The following PXDC1 variants were observed in gnomAD, a reference collection of about 807,000 sequenced individuals.
PXDC1 encodes the protein PX domain containing 1.
A neutral mutation model predicts 24.4 loss-of-function variants in PXDC1; 13 were observed. The ratio of observed to expected loss-of-function variants is 0.53; its 90% CI spans 0.35 to 0.85. PXDC1 has a LOEUF of 0.85. Ranked by LOEUF, PXDC1 falls within the 40% of genes least tolerant of loss-of-function variation. PXDC1 has a pLI of 0.01. For synonymous variants in PXDC1, 162 were observed against 124.9 expected (o/e 1.30, Z -1.98); for missense variants, 344 against 309.3 (o/e 1.11, Z -0.84).
chr6:3,742,566 G>T (rs1760472236), intron 1 of PXDC1, among the ~76,000 whole-genome samples: 1 of 152,170 alleles, frequency 6.6e-6, no homozygotes, highest in Non-Finnish European at 1.5e-5. Flanking sequence ...CTGACCAGCA[G>T]GGGGCGCGCG....
rs140187172 is a variant in PXDC1 at position 3,734,126 on chromosome 6, T to C, written c.466+2953A>G. Among the ~76,000 whole-genome samples, 807 of 152,320 alleles carry C rather than the reference T, an allele frequency of 5.3e-3. 11 individuals carry two copies. Among genetic ancestry groups the C allele is most frequent in the African/African-American group, 0.018 (765 of 41,560 alleles). On this transcript the variant is annotated intron_variant, in intron 3 of 4. Transcript: ENST00000380283. ...AAAGGCAAAGAAAACATACTTTCAATGGCAACATGAGACTCTACGTTTCTC... is the reference window on the plus strand; with the variant it reads ...AAAGGCAAAGAAAACATACTTTCAACGGCAACATGAGACTCTACGTTTCTC...
chr6:3,744,203 C>T (rs950144935), intron 1 of PXDC1, among the ~76,000 whole-genome samples: 1 of 152,220 alleles, frequency 6.6e-6, no homozygotes, highest in Non-Finnish European at 1.5e-5. Context: ...TTAGCCAGTC[C>T]GTCCTGCAGC....
Position 3,739,423 on chromosome 6 carries a change from G to C in PXDC1, c.257-1275C>G, listed in dbSNP as rs560597485. 2.6e-5 allele frequency among the ~76,000 whole-genome samples: 4 copies of C among 152,372 alleles called. No homozygotes were observed. In the South Asian group the frequency reaches 8.3e-4, roughly 32 times the overall value. On this transcript the variant is annotated intron_variant, in intron 1 of 4. Transcript: ENST00000380283. The stretch of plus-strand genomic sequence containing the variant: ...ACCTGGTATCCCAGCAGGCATCCCT[G>C]CTTAGCAGTGGGGCTATCTGATCCT...
chr6:3,750,683 G>C (rs1760685913), intron 1 of PXDC1, among the ~76,000 whole-genome samples: 2 of 152,210 alleles, frequency 1.3e-5, no homozygotes, highest in Admixed American at 6.5e-5. Context: ...ACCAGCCCTG[G>C]CGGGGGTGCG....
chr6:3,737,144 T>C lies in PXDC1; in HGVS notation c.401A>G (p.Gln134Arg). ...LTFFERSPLD[Q>R]VLKNDNVHKI... ...ATGCACATTATCATTTTTTAACACC[T>C]GATCCAGAGGAGATCTTTCGAAGAA... Residue 134 changes from glutamine (Q) to arginine (R), a missense_variant, in exon 3 of 5, where the codon CAG becomes CGG. Transcript: ENST00000380283. The surrounding 1 kb of genome is among the most constrained non-coding windows in gnomAD (Gnocchi z 5.5). 1 of 1,613,890 alleles carries C rather than the reference T, an allele frequency of 6.2e-7. No homozygotes were observed. The highest frequency in any genetic ancestry group is 8.5e-7 in the Non-Finnish European group (1 of 1,179,718).
rs1040390838 is a variant in PXDC1 at position 3,725,681 on chromosome 6, G to C, written c.578+1870C>G. On this transcript the variant is annotated intron_variant, in intron 4 of 4. Transcript: ENST00000380283. This position sits in a 1 kb window ranked among gnomAD's most constrained non-coding sequence, Gnocchi z 4.8. ...CTCCAGTTCCACAAAGGGTGTCTGT[G>C]CTCTTGGTCGCTGTCAACCCCCCAC... 6.6e-6 allele frequency among the ~76,000 whole-genome samples: 1 copy of C among 152,212 alleles called. No homozygotes were observed. The highest frequency in any genetic ancestry group is 1.9e-4 in the East Asian group (1 of 5,190).
intron 3 of PXDC1, among the ~76,000 whole-genome samples, chr6:3,730,912 T>C (rs922800329): frequency 6.6e-6 from 1 of 152,236 alleles, no homozygotes; most frequent in Non-Finnish European, 1.5e-5. Context: ...CTGCTACTTA[T>C]GCCTGGAGAG....
intron 3 of PXDC1, 40 bp from the exon 4 acceptor site, chr6:3,727,702 C>T (rs1020531710): frequency 1.0e-5 from 14 of 1,399,024 alleles, no homozygotes; most frequent in Admixed American, 3.4e-5. Context: ...CAGGAGGGGT[C>T]GGAGCTTGAG....
chr6:3,729,341 C>T (rs985509752), intron 3 of PXDC1, among the ~76,000 whole-genome samples: 1 of 152,172 alleles, frequency 6.6e-6, no homozygotes, highest in African/African-American at 2.4e-5. Context: ...ATTTCCTCCT[C>T]GCCCCCCATA....
intron 1 of PXDC1, 64 bp downstream of exon 1, chr6:3,751,212 G>T: frequency 8.1e-7 from 1 of 1,232,098 alleles, no homozygotes. Flanking sequence ...TCTCTTCCCC[G>T]CCTCCTTCGT....
chr6:3,727,743 C>T, intron 3 of PXDC1, 81 bp from the exon 4 acceptor site: 1 of 843,424 alleles, frequency 1.2e-6, no homozygotes, highest in South Asian at 1.5e-5. Flanking sequence ...CTCCCATCTC[C>T]CTGCTTTCTC....
chr6:3,750,321 T>C (rs985895578), intron 1 of PXDC1, among the ~76,000 whole-genome samples: 1 of 152,204 alleles, frequency 6.6e-6, no homozygotes, highest in African/African-American at 2.4e-5. Flanking sequence ...AAAAGAAGGC[T>C]GCTGGGCCAC....
intron 1 of PXDC1, among the ~76,000 whole-genome samples, chr6:3,749,964 C>T (rs762066219): frequency 6.6e-6 from 1 of 152,228 alleles, no homozygotes; most frequent in Non-Finnish European, 1.5e-5. Flanking sequence ...TAACAAACAG[C>T]AAATCCAAGG....
rs1471339532 is a variant in PXDC1 at position 3,725,547 on chromosome 6, ACT to A, written c.579-1813_579-1812del. 1.3e-5 allele frequency among the ~76,000 whole-genome samples: 2 copies of A among 151,830 alleles called. 1 individual carries two copies. The highest frequency in any genetic ancestry group is 4.2e-4 in the South Asian group (2 of 4,798). ...GCCAGACTCGGGGCAGCCTGCTGAG[ACT>A]CTGCTGTGGGGGCCCTGCTGTGGGC... On this transcript the variant is annotated intron_variant, in intron 4 of 4. Transcript: ENST00000380283. This position sits in a 1 kb window ranked among gnomAD's most constrained non-coding sequence, Gnocchi z 4.8.
rs1292121349 is a variant in PXDC1, at chr6:3,751,582, C to T, written c.-51G>A. The T allele has an allele frequency of 2.1e-6, 3 of 1,447,946 alleles. No homozygotes were observed. Among genetic ancestry groups the T allele is most frequent in the Non-Finnish European group, 2.7e-6 (3 of 1,105,014 alleles). 89.7% of individuals were successfully genotyped at this position (1,447,946 alleles called of 1,614,324 possible). A position where few individuals can be genotyped will look rare whatever the true frequency, so the allele number is the denominator to read the frequency against. On this transcript the variant is annotated 5_prime_UTR_variant, in exon 1 of 5. Transcript: ENST00000380283. Reference sequence around the variant, plus strand: ...CTCCCCAGCCCCGCCGCCCGCCCGCCCGCAGGAGGCGCGCCCCGGCCGGGG... The same window carrying T: ...CTCCCCAGCCCCGCCGCCCGCCCGCTCGCAGGAGGCGCGCCCCGGCCGGGG...
At position 3,749,535 on chromosome 6, in the gene PXDC1, G is replaced by A. The variant is rs1338800172; in HGVS notation, c.256+1741C>T. 5.3e-5 allele frequency among the ~76,000 whole-genome samples: 8 copies of A among 150,518 alleles called. No individual in the cohort carries two copies. In the Admixed American group the frequency reaches 5.3e-4, roughly 10 times the overall value. ...ACAGCAAAAGAGGCGGAGCCAGGGT[G>A]TGTGCAGGGCACGCCCCTCCCTCCT... is the stretch of plus-strand genomic sequence containing the variant. On this transcript the variant is annotated intron_variant, in intron 1 of 4. Transcript: ENST00000380283.
At position 3,726,641 on chromosome 6, in the gene PXDC1, G is replaced by A. The variant is rs550257770; in HGVS notation, c.578+910C>T. On this transcript the variant is annotated intron_variant, in intron 4 of 4. Transcript: ENST00000380283. Reference sequence around the variant, plus strand: ...TTCACGCTGGGGTCACAGCCCTGCCGCCCACAGGCCCGGATGTGGGCCTCG... The same window carrying A: ...TTCACGCTGGGGTCACAGCCCTGCCACCCACAGGCCCGGATGTGGGCCTCG... Among the ~76,000 whole-genome samples, 18 of 152,362 alleles carry A rather than the reference G, an allele frequency of 1.2e-4. No homozygotes were observed. In the South Asian group the frequency reaches 3.5e-3, roughly 30 times the overall value.
At position 3,729,944 on chromosome 6, in the gene PXDC1, A is replaced by C. The variant is rs147521861; in HGVS notation, c.467-2282T>G. ...ACATGCCTAATCTTTCTTAAATGTG[A>C]AATTTGGAGCTCTATAAAACGGAGT... On this transcript the variant is annotated intron_variant, in intron 3 of 4. Coordinates refer to ENST00000380283, the MANE Select transcript of PXDC1 (RefSeq NM_183373.4). Among the ~76,000 whole-genome samples the C allele has an allele frequency of 4.6e-5, 7 of 152,340 alleles. No individual in the cohort carries two copies. In the East Asian group the frequency reaches 1.2e-3, roughly 25 times the overall value.
chr6:3,737,794 G>T lies in PXDC1; in HGVS notation c.348+263C>A. 1 of 540,856 alleles carries T rather than the reference G, an allele frequency of 1.8e-6. No individual in the cohort carries two copies. Among genetic ancestry groups the T allele is most frequent in the South Asian group, 8.1e-5 (1 of 12,400 alleles). The allele number at this position is 540,856 out of a possible 1,614,324, so 33.5% of individuals were successfully genotyped here. A position where few individuals can be genotyped will look rare whatever the true frequency, so the allele number is the denominator to read the frequency against. On this transcript the variant is annotated intron_variant, in intron 2 of 4. Transcript: ENST00000380283. The surrounding 1 kb of genome is among the most constrained non-coding windows in gnomAD (Gnocchi z 5.5). ...AGGGGATCCGCACCCTTCCACCCAT[G>T]CCTCCTTGCATCCCTCATTTTCACT... is the stretch of plus-strand genomic sequence containing the variant.
Sources: gnomAD v4.1 joint callset for allele counts (sites outside exome capture counted in the v4.1 genomes callset) on GRCh38, gnomAD v4.1.1 for gene constraint, Gnocchi (gnomAD v3.1) non-coding constraint, MANE v1.5 for transcripts, NCBI Gene and HGNC (gene_info 2026-07-23, HGNC 2026-07-21) for gene names.